Variants in PACRG observed in about 807,000 individuals in gnomAD.
PACRG encodes the protein parkin coregulated.
A neutral mutation model predicts 29.7 loss-of-function variants in PACRG; 29 were observed. The ratio of observed to expected loss-of-function variants is 0.98; its 90% CI spans 0.73 to 1.33. The LOEUF (loss-of-function observed/expected upper bound fraction) is 1.33. Ranked by LOEUF, PACRG falls within the 40% of genes most tolerant of loss-of-function variation. PACRG has a pLI of 0.00. For synonymous variants in PACRG, 116 were observed against 118.7 expected (o/e 0.98, Z 0.15); for missense variants, 279 against 316.2 (o/e 0.88, Z 0.89).
At position 162,761,114 on chromosome 6, in the gene PACRG, G is replaced by A. The variant is rs371846487; in HGVS notation, c.156+32723G>A. Among the ~76,000 whole-genome samples the A allele has an allele frequency of 2.2e-4, 34 of 152,134 alleles. No homozygotes were observed. The South Asian group carries it at 4.6e-3, about 20-fold the overall frequency. On this transcript the variant is annotated intron_variant, in intron 1 of 4. Transcript: ENST00000366888. ...CTCATGGTGGCTGATGCCCCAGCCC[G>A]CCTCGTGTGATTAGATAGGATAGAT...
chr6:162,851,876 C>T (rs11755912), intron 2 of PACRG, among the ~76,000 whole-genome samples: 1 of 149,960 alleles, frequency 6.7e-6, no homozygotes, highest in African/African-American at 2.5e-5. Context: ...ATCTACCTAT[C>T]TTATGTAAGA....
At chr6:162,753,165 C>T (rs1192828546) in intron 1 of PACRG, among the ~76,000 whole-genome samples, 1 of 152,090 alleles carries the variant, frequency 6.6e-6, no homozygotes, top group African/African-American at 2.4e-5. Flanking sequence ...TGATTATAGT[C>T]ATCCTGCTGT....
At chr6:163,167,487 A>C (rs888805733) in intron 4 of PACRG, among the ~76,000 whole-genome samples, 8 of 152,188 alleles carry the variant, frequency 5.3e-5, no homozygotes, top group Non-Finnish European at 1.0e-4. Context: ...ATAAAATGTA[A>C]CATAGTTTAG....
chr6:163,143,886 A>T lies in PACRG; in HGVS notation c.613+54478A>T, dbSNP rs576138061. 5.0e-4 allele frequency among the ~76,000 whole-genome samples: 76 copies of T among 152,272 alleles called. 3 individuals are homozygous for T. The South Asian group carries it at 0.014, about 29-fold the overall frequency. On this transcript the variant is annotated intron_variant, in intron 4 of 4. Coordinates refer to ENST00000366888, the MANE Select transcript of PACRG (RefSeq NM_001080379.2). ...TCGGTGTGGGAACTTGTTGAGTTTG[A>T]GTTGAATGATGTTTCCAACTGGATA... is the stretch of plus-strand genomic sequence containing the variant.
intron 2 of PACRG, among the ~76,000 whole-genome samples, chr6:162,981,202 C>A (rs1386979813): frequency 6.6e-6 from 1 of 151,596 alleles, no homozygotes; most frequent in Non-Finnish European, 1.5e-5. Flanking sequence ...CAGGTTGCTG[C>A]AAATGCCGTT....
chr6:163,221,227 C>T (rs56061015), intron 4 of PACRG, among the ~76,000 whole-genome samples: 5,809 of 152,248 alleles, frequency 0.038, 392 homozygotes, highest in African/African-American at 0.13. Flanking sequence ...TCGCAGTTTT[C>T]CTAGTTATTT....
intron 4 of PACRG, among the ~76,000 whole-genome samples, chr6:163,267,006 A>G (rs1451324527): frequency 6.6e-6 from 1 of 152,196 alleles, no homozygotes; most frequent in Non-Finnish European, 1.5e-5. Context: ...TGGCCAGAGA[A>G]CCAGGGCCAG....
intron 4 of PACRG, among the ~76,000 whole-genome samples, chr6:163,103,812 T>TG (rs1815233155): frequency 6.6e-6 from 1 of 152,210 alleles, no homozygotes; most frequent in African/African-American, 2.4e-5. Context: ...AGCTCGACAC[T>TG]GTATTATTTT....
chr6:162,983,389 T>C (rs1342403183), intron 2 of PACRG, among the ~76,000 whole-genome samples: 1 of 151,946 alleles, frequency 6.6e-6, no homozygotes, highest in Non-Finnish European at 1.5e-5. Context: ...TCCATTGTGT[T>C]AGTGTTTTAT....
intron 2 of PACRG, among the ~76,000 whole-genome samples, chr6:162,922,488 C>T (rs1177073251): frequency 3.9e-5 from 6 of 151,908 alleles, no homozygotes; most frequent in Non-Finnish European, 8.8e-5. Context: ...TGTGAATTCA[C>T]CCTGCAGTGC....
At chr6:162,979,315 T>TTTGTATG (rs1584925399) in intron 2 of PACRG, among the ~76,000 whole-genome samples, 1 of 152,168 alleles carries the variant, frequency 6.6e-6, no homozygotes, top group East Asian at 1.9e-4. Context: ...CTGATGGCCA[T>TTTGTATG]TTGTATGTCT....
chr6:163,250,446 T>G (rs944137535), intron 4 of PACRG, among the ~76,000 whole-genome samples: 1 of 152,230 alleles, frequency 6.6e-6, no homozygotes, highest in Non-Finnish European at 1.5e-5. Flanking sequence ...AGCATTGCAT[T>G]TTACTATCTT....
intron 4 of PACRG, among the ~76,000 whole-genome samples, chr6:163,209,873 G>A (rs1056130724): frequency 2.4e-4 from 36 of 152,086 alleles, no homozygotes; most frequent in African/African-American, 8.7e-4. Context: ...AAAAGCCATT[G>A]CAACTCAGCA....
At chr6:162,810,160 C>A (rs1450886132) in intron 1 of PACRG, among the ~76,000 whole-genome samples, 1 of 152,052 alleles carries the variant, frequency 6.6e-6, no homozygotes, top group Non-Finnish European at 1.5e-5. Context: ...ATCTCCATCC[C>A]CACCCAGTAT....
intron 4 of PACRG, among the ~76,000 whole-genome samples, chr6:163,110,068 T>A (rs931900782): frequency 1.3e-5 from 2 of 152,146 alleles, no homozygotes; most frequent in Admixed American, 1.3e-4. Flanking sequence ...TGTACAAAGA[T>A]ACATTTATGG....
chr6:163,099,968 G>T (rs1258380923), intron 4 of PACRG, among the ~76,000 whole-genome samples: 1 of 152,034 alleles, frequency 6.6e-6, no homozygotes, highest in African/African-American at 2.4e-5. Context: ...AGCGCGGACG[G>T]GCTCCGGGCT....
intron 1 of PACRG, among the ~76,000 whole-genome samples, chr6:162,768,272 A>C (rs1050983309): frequency 6.6e-6 from 1 of 152,092 alleles, no homozygotes; most frequent in African/African-American, 2.4e-5. Context: ...AGTACTTCAA[A>C]TATATTATTC....
chr6:163,050,997 C>T (rs1262503514), intron 2 of PACRG, among the ~76,000 whole-genome samples: 4 of 152,146 alleles, frequency 2.6e-5, no homozygotes, highest in East Asian at 3.9e-4. Context: ...GGGAGCATCC[C>T]GGGTCTTGGG....
At chr6:162,739,841 TAAAAA>T (rs34535656) in intron 1 of PACRG, among the ~76,000 whole-genome samples, 2 of 130,156 alleles carry the variant, frequency 1.5e-5, no homozygotes, top group Admixed American at 7.8e-5. Context: ...GCTCCATCTT[TAAAAA>T]AAAAAAAAAA....
Sources: allele counts gnomAD v4.1 joint callset (sites outside exome capture counted in the v4.1 genomes callset), GRCh38; gene constraint gnomAD v4.1.1; transcripts MANE v1.5; gene names NCBI Gene and HGNC (gene_info 2026-07-23, HGNC 2026-07-21).